FSIP1: variants seen among roughly 807,000 people sequenced by gnomAD.
FSIP1 encodes fibrous sheath-interacting protein 1.
A neutral mutation model predicts 60.9 loss-of-function variants in FSIP1; 65 were observed. The observed-to-expected ratio is 1.07, with a 90% CI of 0.87 to 1.31. The LOEUF (loss-of-function observed/expected upper bound fraction) is 1.31, where lower values mean the gene tolerates loss of function less well. Among genes scored for constraint, FSIP1 ranks in the 40% most tolerant of loss-of-function variants. The probability of loss-of-function intolerance (pLI) is 0.00; values close to 1 mark genes in which losing one functional copy is unlikely to be tolerated. For synonymous variants in FSIP1, 209 were observed against 221.2 expected (o/e 0.94, Z 0.49); for missense variants, 675 against 665.5 (o/e 1.01, Z -0.16).
intron 9 of FSIP1, among the ~76,000 whole-genome samples, chr15:39,721,633 G>A (rs892146430): frequency 1.3e-5 from 2 of 152,186 alleles, no homozygotes; most frequent in African/African-American, 4.8e-5. Context: ...ATGTATTGAC[G>A]ATCTCTGCAA....
intron 5 of FSIP1, among the ~76,000 whole-genome samples, chr15:39,750,090 G>C (rs901150273): frequency 1.3e-5 from 2 of 151,632 alleles, no homozygotes; most frequent in Non-Finnish European, 2.9e-5. Context: ...AAAGTACTCA[G>C]GAATAAATTA....
chr15:39,699,781 C>T lies in FSIP1; in HGVS notation c.1188+13663G>A, dbSNP rs548030681. Among the ~76,000 whole-genome samples the T allele has an allele frequency of 1.3e-5, 2 of 152,338 alleles. 1 individual carries two copies. Among genetic ancestry groups the T allele is most frequent in the African/African-American group, 4.8e-5 (2 of 41,572 alleles). On this transcript the variant is annotated intron_variant, in intron 10 of 11. Coordinates refer to ENST00000350221, the MANE Select transcript of FSIP1 (RefSeq NM_152597.5). ...ATCCAATACCAAATTCAGCATTCCACTCAAATTTCTGAAGCACTGTTGTTG... is the reference window on the plus strand; with the variant it reads ...ATCCAATACCAAATTCAGCATTCCATTCAAATTTCTGAAGCACTGTTGTTG...
intron 10 of FSIP1, among the ~76,000 whole-genome samples, chr15:39,652,902 A>G (rs1892930265): frequency 6.6e-6 from 1 of 151,736 alleles, no homozygotes; most frequent in Non-Finnish European, 1.5e-5. Context: ...CAGGCTGAAT[A>G]CAGTGGCTCA....
intron 10 of FSIP1, among the ~76,000 whole-genome samples, chr15:39,679,404 T>C (rs1257287787): frequency 6.6e-6 from 1 of 152,182 alleles, no homozygotes; most frequent in African/African-American, 2.4e-5. Context: ...TAGGCTCAGC[T>C]ACTATTCAGC....
At chr15:39,736,436 C>A (rs1041055553) in intron 8 of FSIP1, among the ~76,000 whole-genome samples, 4 of 152,180 alleles carry the variant, frequency 2.6e-5, no homozygotes, top group Admixed American at 1.3e-4. Context: ...TGTTTGCCCA[C>A]ACAGAACTTT....
chr15:39,741,844 G>T lies in FSIP1; in HGVS notation c.616C>A (p.Pro206Thr). ...TGCATCTGCATTTCATATTCTTCTG[G>T]AGGGATTTGAGTATGAAACACTGAG... ...FSSVFHTQIPPEEYEMQMQKL... is the reference protein window; with the variant it reads ...FSSVFHTQIPTEEYEMQMQKL... Residue 206 changes from proline (P) to threonine (T), a missense_variant, in exon 6 of 12, where the codon CCA (proline) becomes ACA (threonine). By Grantham distance (38) the Pro-to-Thr change is conservative (BLOSUM62 -1). Transcript: ENST00000350221. The T allele has an allele frequency of 6.2e-7, 1 of 1,605,188 alleles. No homozygotes were observed. The highest frequency in any genetic ancestry group is 8.5e-7 in the Non-Finnish European group (1 of 1,172,620).
At chr15:39,723,971 A>G (rs1896087733) in intron 9 of FSIP1, among the ~76,000 whole-genome samples, 1 of 152,270 alleles carries the variant, frequency 6.6e-6, no homozygotes. Context: ...CAAAAGCTCA[A>G]AAGATATTCT....
At chr15:39,736,612 T>C (rs985625380) in intron 8 of FSIP1, among the ~76,000 whole-genome samples, 1 of 152,120 alleles carries the variant, frequency 6.6e-6, no homozygotes, top group Non-Finnish European at 1.5e-5. Context: ...CACACCCTCC[T>C]CCCCCGTGGG....
intron 10 of FSIP1, among the ~76,000 whole-genome samples, chr15:39,639,086 G>T (rs1415040810): frequency 2.0e-5 from 3 of 152,150 alleles, no homozygotes; most frequent in Non-Finnish European, 4.4e-5. Flanking sequence ...AAAACAAAGA[G>T]AAAAAAGAGC....
chr15:39,738,205 C>T lies in FSIP1; in HGVS notation c.781-4G>A. The T allele has an allele frequency of 6.3e-7, 1 of 1,578,068 alleles. No homozygotes were observed. The highest frequency in any genetic ancestry group is 1.1e-5 in the South Asian group (1 of 88,378). On this transcript the variant is annotated splice_polypyrimidine_tract_variant and splice_region_variant and intron_variant, in intron 7 of 11. Transcript: ENST00000350221. ...GGTTTCTTGATTCCTTGGCCAACTA[C>T]AGAATTTATTAATGGAAAATATCAT...
At chr15:39,639,588 T>A (rs1892278190) in intron 10 of FSIP1, among the ~76,000 whole-genome samples, 2 of 151,414 alleles carry the variant, frequency 1.3e-5, no homozygotes, top group South Asian at 2.1e-4. Flanking sequence ...TATGCTAGGG[T>A]TTCTCATGAG....
chr15:39,691,450 C>T (rs922063686), intron 10 of FSIP1, among the ~76,000 whole-genome samples: 1 of 152,178 alleles, frequency 6.6e-6, no homozygotes, highest in African/African-American at 2.4e-5. Flanking sequence ...AAATGGAACA[C>T]AGCAGATTTC....
intron 10 of FSIP1, among the ~76,000 whole-genome samples, chr15:39,674,868 G>A (rs181307529): frequency 1.3e-5 from 2 of 151,930 alleles, no homozygotes; most frequent in East Asian, 1.9e-4. Flanking sequence ...AAGGACATAC[G>A]ACCATCAAAA....
chr15:39,730,866 C>G (rs1896377859), intron 8 of FSIP1, among the ~76,000 whole-genome samples: 1 of 152,290 alleles, frequency 6.6e-6, no homozygotes, highest in African/African-American at 2.4e-5. Flanking sequence ...CAGCCAGCCC[C>G]TAACCAGGCT....
intron 10 of FSIP1, among the ~76,000 whole-genome samples, chr15:39,658,983 G>C (rs1893182394): frequency 6.6e-6 from 1 of 152,178 alleles, no homozygotes; most frequent in Non-Finnish European, 1.5e-5. Flanking sequence ...CAATAAAAAG[G>C]AATGAAGTAC....
chr15:39,740,191 C>T (rs1432202122), intron 6 of FSIP1, among the ~76,000 whole-genome samples: 1 of 152,140 alleles, frequency 6.6e-6, no homozygotes, highest in Non-Finnish European at 1.5e-5. Flanking sequence ...TAGGTCATCC[C>T]TGCTATTCTA....
intron 10 of FSIP1, among the ~76,000 whole-genome samples, chr15:39,693,689 A>G (rs569362549): frequency 3.9e-5 from 6 of 152,364 alleles, no homozygotes; most frequent in South Asian, 2.1e-4. Flanking sequence ...GAAGAAAATC[A>G]AGAAAACTGC....
chr15:39,728,108 T>G (rs1015927514), intron 8 of FSIP1, among the ~76,000 whole-genome samples: 1 of 152,064 alleles, frequency 6.6e-6, no homozygotes, highest in African/African-American at 2.4e-5. Context: ...CAATGAGAAT[T>G]AAAAAGCACT....
intron 8 of FSIP1, among the ~76,000 whole-genome samples, chr15:39,736,898 A>C (rs1896629238): frequency 6.6e-6 from 1 of 152,006 alleles, no homozygotes; most frequent in East Asian, 1.9e-4. Flanking sequence ...TCTCACATTT[A>C]GGTAAGGGGC....
Sources: allele counts gnomAD v4.1 joint callset (sites outside exome capture counted in the v4.1 genomes callset), GRCh38; gene constraint gnomAD v4.1.1; transcripts MANE v1.5; gene names NCBI Gene and HGNC (gene_info 2026-07-23, HGNC 2026-07-21).